Variants in OSBPL10 observed in about 807,000 individuals in gnomAD.
The protein encoded by OSBPL10 is oxysterol-binding protein-related protein 10.
A neutral mutation model predicts 81.7 loss-of-function variants in OSBPL10; 49 were observed. The observed-to-expected ratio is 0.60, with a 90% CI of 0.48 to 0.76. The LOEUF is 0.76. OSBPL10 is among the 30% of genes least tolerant of loss of function. The pLI is 0.00. For missense variants in OSBPL10, 923 were observed against 987.8 expected, an observed-to-expected ratio of 0.93 and a Z score of 0.88; for synonymous variants, 419 against 383.6, an observed-to-expected ratio of 1.09 and a Z score of -1.08.
chr3:32,023,703 C>A (rs1181349730), intron 2 of OSBPL10, among the ~76,000 whole-genome samples: 1 of 152,164 alleles, frequency 6.6e-6, no homozygotes, highest in Non-Finnish European at 1.5e-5. Flanking sequence ...ATTCTCAGTC[C>A]TGCTTCATTG....
chr3:31,876,577 T>G, intron 2 of OSBPL10, 65 bp from the exon 3 acceptor site: 1 of 1,379,548 alleles, frequency 7.2e-7, no homozygotes, highest in South Asian at 1.2e-5. Context: ...TCCAACTTAT[T>G]TCTACACCCA....
chr3:31,741,392 G>A (rs1270796043), intron 5 of OSBPL10, among the ~76,000 whole-genome samples: 1 of 152,226 alleles, frequency 6.6e-6, no homozygotes, highest in Non-Finnish European at 1.5e-5. Flanking sequence ...AGCCTCCCAA[G>A]TAGCTGGGAC....
rs556532521 is a variant in OSBPL10 at position 31,821,496 on chromosome 3, C to G, written c.729+8544G>C. On this transcript the variant is annotated intron_variant, in intron 4 of 11. Transcript: ENST00000396556. ...AACACCAACTTCACCTGTTCTTACA[C>G]AGTAAGTATCTAATATTTTTACTCA... is the stretch of plus-strand genomic sequence containing the variant. Among the ~76,000 whole-genome samples, 50 of 152,284 alleles carry G rather than the reference C, an allele frequency of 3.3e-4. No homozygotes were observed. In the South Asian group the frequency reaches 9.5e-3, roughly 29 times the overall value.
chr3:31,952,956 G>A (rs568794674), intron 1 of OSBPL10, among the ~76,000 whole-genome samples: 20 of 138,160 alleles, frequency 1.4e-4, no homozygotes, highest in South Asian at 6.9e-4. Context: ...TTTTTGAGAC[G>A]GAGTCTCATT....
At chr3:31,899,147 GCC>G (rs938266932) in intron 1 of OSBPL10, among the ~76,000 whole-genome samples, 1 of 151,804 alleles carries the variant, frequency 6.6e-6, no homozygotes, top group African/African-American at 2.4e-5. Context: ...TCACCGTGTT[GCC>G]CAGGCTGCTC....
intron 1 of OSBPL10, among the ~76,000 whole-genome samples, chr3:31,911,581 A>G (rs1393124913): frequency 6.6e-6 from 1 of 152,046 alleles, no homozygotes; most frequent in Non-Finnish European, 1.5e-5. Context: ...CACACATAAA[A>G]TATACTAACA....
At chr3:31,714,377 C>T (rs946739088) in intron 6 of OSBPL10, among the ~76,000 whole-genome samples, 1 of 151,890 alleles carries the variant, frequency 6.6e-6, no homozygotes, top group African/African-American at 2.4e-5. Context: ...TGAGTTATTG[C>T]GGGGGCGCAG....
intron 4 of OSBPL10, among the ~76,000 whole-genome samples, chr3:31,817,349 G>A (rs1356030061): frequency 6.6e-6 from 1 of 152,226 alleles, no homozygotes; most frequent in Non-Finnish European, 1.5e-5. Context: ...GGAGAGGAGA[G>A]AGGCCAGACA....
At chr3:31,877,325 G>A (rs373435371) in intron 2 of OSBPL10, among the ~76,000 whole-genome samples, 4 of 152,180 alleles carry the variant, frequency 2.6e-5, no homozygotes, top group South Asian at 4.1e-4. Context: ...AGATTCATAC[G>A]ATTGCAAAGA....
At chr3:31,942,486 G>C (rs1697565599) in intron 1 of OSBPL10, among the ~76,000 whole-genome samples, 1 of 132,364 alleles carries the variant, frequency 7.6e-6, no homozygotes, top group African/African-American at 2.9e-5. Flanking sequence ...AGTGAGCCAA[G>C]ATCGCATCAT....
intron 1 of OSBPL10, among the ~76,000 whole-genome samples, chr3:31,897,187 G>A (rs1285549566): frequency 3.3e-5 from 5 of 152,096 alleles, no homozygotes; most frequent in African/African-American, 4.8e-5. Context: ...GCAAACCAGC[G>A]GAGGCTACTG....
chr3:31,934,885 T>G (rs1282257736), intron 1 of OSBPL10, among the ~76,000 whole-genome samples: 1 of 152,150 alleles, frequency 6.6e-6, no homozygotes, highest in Non-Finnish European at 1.5e-5. Context: ...CCCATAGTAG[T>G]TTAAACAATC....
At chr3:31,735,711 T>A (rs1439682286) in intron 5 of OSBPL10, among the ~76,000 whole-genome samples, 3 of 151,824 alleles carry the variant, frequency 2.0e-5, no homozygotes, top group Admixed American at 1.3e-4. Context: ...CCTGTGTAGA[T>A]CCAGGAGTCA....
intron 6 of OSBPL10, 142 bp from the exon 7 acceptor site, chr3:31,702,650 C>T: frequency 6.0e-6 from 7 of 1,171,596 alleles, no homozygotes; most frequent in Non-Finnish European, 8.3e-6. Context: ...GTCCTATTGG[C>T]CACGGGGCAG....
intron 4 of OSBPL10, among the ~76,000 whole-genome samples, chr3:31,773,425 T>C (rs1461650272): frequency 6.6e-6 from 1 of 152,164 alleles, no homozygotes; most frequent in Non-Finnish European, 1.5e-5. Flanking sequence ...CTCACAATAG[T>C]TCTCATCACA....
At chr3:31,828,929 T>A (rs1346676283) in intron 4 of OSBPL10, among the ~76,000 whole-genome samples, 1 of 152,124 alleles carries the variant, frequency 6.6e-6, no homozygotes, top group Admixed American at 6.5e-5. Context: ...TTTTCTTTAT[T>A]AGGCAAGACA....
chr3:31,912,396 G>C (rs1413296427), intron 1 of OSBPL10, among the ~76,000 whole-genome samples: 1 of 142,974 alleles, frequency 7.0e-6, no homozygotes, highest in African/African-American at 2.6e-5. Context: ...CTCTGTCTCG[G>C]AAAAAAAAAA....
rs188675192 is a variant in OSBPL10, at chr3:31,996,346, T to G, written n.298+50145A>C. On this transcript the variant is annotated intron_variant and non_coding_transcript_variant, in intron 2 of 3. Transcript: ENST00000479173. ...AACCTGCTAGAGAGGACTTGATTTC[T>G]CTAAACTCTCCCCCCCGTGCAAGGG... Among the ~76,000 whole-genome samples the G allele has an allele frequency of 5.9e-5, 9 of 152,330 alleles. No individual in the cohort carries two copies. The East Asian group carries it at 1.7e-3, about 29-fold the overall frequency.
intron 1 of OSBPL10, among the ~76,000 whole-genome samples, chr3:31,883,663 C>G (rs1695654709): frequency 6.6e-6 from 1 of 151,918 alleles, no homozygotes; most frequent in Non-Finnish European, 1.5e-5. Flanking sequence ...TCCCGAGTAG[C>G]TGAGATTACA....
Sources: gnomAD v4.1 joint callset for allele counts (sites outside exome capture counted in the v4.1 genomes callset) on GRCh38, gnomAD v4.1.1 for gene constraint, MANE v1.5 for transcripts, NCBI Gene and HGNC (gene_info 2026-07-23, HGNC 2026-07-21) for gene names.